The following ZMIZ1 variants were observed in gnomAD, a reference collection of about 807,000 sequenced individuals.
ZMIZ1 encodes zinc finger MIZ domain-containing protein 1.
In ZMIZ1, 17 loss-of-function variants were observed where a neutral mutation model predicts 113.9. The ratio of observed to expected loss-of-function variants is 0.15; its 90% CI spans 0.10 to 0.22. The LOEUF (loss-of-function observed/expected upper bound fraction) is 0.22. Ranked by LOEUF, ZMIZ1 falls within the 10% of genes least tolerant of loss-of-function variation. The pLI is 1.00. For synonymous variants in ZMIZ1, 607 were observed against 603.1 expected (o/e 1.01, Z -0.09); for missense variants, 1,059 against 1,477.8 (o/e 0.72, Z 4.65).
chr10:79,223,974 G>T (rs564093087), intron 7 of ZMIZ1, among the ~76,000 whole-genome samples: 1 of 152,340 alleles, frequency 6.6e-6, no homozygotes, highest in East Asian at 1.9e-4. Flanking sequence ...TTCCAGGAAT[G>T]AGCAGTGGGG....
At chr10:79,311,294 T>TGGGGG in intron 24 of ZMIZ1, 110 bp downstream of exon 24, 6 of 99,146 alleles carry the variant, frequency 6.1e-5, no homozygotes, top group East Asian at 1.9e-4. Flanking sequence ...AGGAGGTGGG[T>TGGGGG]GGGCGGTGGG....
In ZMIZ1 at chr10:79,296,469, A is replaced by G. The variant is rs762268222; in HGVS notation, c.1231-2A>G. ...TCCCCTCTCCTTTCTCTCCCACCAC[A>G]GCCCAACTATGGAAACCAGCAATAT... On this transcript the variant is annotated splice_acceptor_variant, in intron 12 of 24. Coordinates refer to ENST00000334512, the MANE Select transcript of ZMIZ1 (RefSeq NM_020338.4). LOFTEE classifies it high-confidence loss of function. The surrounding 1 kb of genome is among the most constrained non-coding windows in gnomAD (Gnocchi z 4.1). 2 of 1,613,870 alleles carry G rather than the reference A, an allele frequency of 1.2e-6. No homozygotes were observed. Among genetic ancestry groups the G allele is most frequent in the South Asian group, 1.1e-5 (1 of 91,078 alleles).
rs1466931796 is a variant in ZMIZ1 at position 79,184,921 on chromosome 10, T to A, written c.-49-16663T>A. On this transcript the variant is annotated intron_variant, in intron 4 of 24. Transcript: ENST00000334512. ...TGAAGGCTTGCTTCCAAGCAGTTCCTGGATTTTTACCTGCTCAGCCATAAA... is the reference window on the plus strand; with the variant it reads ...TGAAGGCTTGCTTCCAAGCAGTTCCAGGATTTTTACCTGCTCAGCCATAAA... Among the ~76,000 whole-genome samples, 5 of 152,204 alleles carry A rather than the reference T, an allele frequency of 3.3e-5. No homozygotes were observed. In the East Asian group the frequency reaches 9.6e-4, roughly 29 times the overall value.
At chr10:79,202,056 CAAAAA>C (rs55985942) in intron 5 of ZMIZ1, among the ~76,000 whole-genome samples, 14 of 71,926 alleles carry the variant, frequency 1.9e-4, no homozygotes, top group African/African-American at 7.4e-4. Context: ...CAGTCGTTCT[CAAAAA>C]AAAAAAAAAA....
At chr10:79,263,804 G>A (rs571353534) in intron 7 of ZMIZ1, among the ~76,000 whole-genome samples, 4 of 152,166 alleles carry the variant, frequency 2.6e-5, no homozygotes, top group African/African-American at 9.6e-5. Context: ...TGTGAAGTCC[G>A]GACAGCCATG....
At chr10:79,208,289 TACCCTC>T (rs1215010150) in intron 5 of ZMIZ1, 41 bp from the exon 6 acceptor site, 2 of 1,565,588 alleles carry the variant, frequency 1.3e-6, no homozygotes, top group South Asian at 2.2e-5. Flanking sequence ...CTGCCTGTGC[TACCCTC>T]ACTCTTGGAG....
chr10:79,184,291 C>T (rs1158404466), intron 4 of ZMIZ1, among the ~76,000 whole-genome samples: 1 of 152,208 alleles, frequency 6.6e-6, no homozygotes, highest in Non-Finnish European at 1.5e-5. Context: ...TCCTTCCACC[C>T]CTCTCCCGAT....
intron 3 of ZMIZ1, among the ~76,000 whole-genome samples, chr10:79,151,105 G>T (rs1363273873): frequency 1.3e-5 from 2 of 152,080 alleles, no homozygotes; most frequent in Non-Finnish European, 2.9e-5. Flanking sequence ...AGATCCGGGG[G>T]CCACCTTGAG....
chr10:79,279,295 C>T (rs12263304), intron 8 of ZMIZ1, among the ~76,000 whole-genome samples: 4,404 of 150,902 alleles, frequency 0.029, 176 homozygotes, highest in African/African-American at 0.089. Context: ...GGGGTGGTGG[C>T]GGGGCAGAGA....
intron 3 of ZMIZ1, among the ~76,000 whole-genome samples, chr10:79,154,707 T>C (rs532231910): frequency 7.9e-5 from 12 of 152,350 alleles, no homozygotes; most frequent in African/African-American, 2.9e-4. Flanking sequence ...AGGCTGCTTC[T>C]GTGGAAGAGG....
intron 24 of ZMIZ1, 120 bp downstream of exon 24, chr10:79,311,304 G>GGGGGGGGGGGGGGGC: frequency 1.1e-5 from 4 of 359,152 alleles, no homozygotes; most frequent in Non-Finnish European, 1.1e-5. Context: ...TGGGCGGTGG[G>GGGGGGGGGGGGGGGC]AGGGCTTCAC....
rs186115857 is a variant in ZMIZ1, at chr10:79,301,529, T to C, written c.2020-578T>C. Among the ~76,000 whole-genome samples the C allele has an allele frequency of 3.1e-3, 468 of 151,956 alleles. 6 individuals carry two copies. Among genetic ancestry groups the C allele is most frequent in the East Asian group, 0.023 (120 of 5,154 alleles). The stretch of plus-strand genomic sequence containing the variant: ...TTGCTCAGGCCCCAGTGGAAGTAAA[T>C]TGCCTGCCCCACTCCACTGGCCTCT... On this transcript the variant is annotated intron_variant, in intron 17 of 24. Transcript: ENST00000334512.
At chr10:79,135,906 G>A (rs940397540) in intron 2 of ZMIZ1, among the ~76,000 whole-genome samples, 1 of 144,530 alleles carries the variant, frequency 6.9e-6, no homozygotes, top group Non-Finnish European at 1.5e-5. Context: ...ACCCGCCGCC[G>A]CTGTGTCTGT....
intron 1 of ZMIZ1, among the ~76,000 whole-genome samples, chr10:79,102,287 G>A (rs998718390): frequency 6.6e-6 from 1 of 152,244 alleles, no homozygotes; most frequent in Non-Finnish European, 1.5e-5. Context: ...TCCCGGCTCT[G>A]GAAGTGTATA....
At chr10:79,239,519 C>T (rs1335514466) in intron 7 of ZMIZ1, among the ~76,000 whole-genome samples, 1 of 152,198 alleles carries the variant, frequency 6.6e-6, no homozygotes, top group Non-Finnish European at 1.5e-5. Flanking sequence ...GATCCTTGCT[C>T]AGCCCTGCTG....
intron 18 of ZMIZ1, 94 bp from the exon 19 acceptor site, chr10:79,303,921 C>A: frequency 6.5e-7 from 1 of 1,532,810 alleles, no homozygotes; most frequent in East Asian, 2.4e-5. Context: ...AGGACATGCC[C>A]CAGCTGCACG....
At chr10:79,165,952 G>C (rs1846310516) in intron 4 of ZMIZ1, among the ~76,000 whole-genome samples, 1 of 26,712 alleles carries the variant, frequency 3.7e-5, no homozygotes, top group Admixed American at 3.0e-4. Flanking sequence ...GCTCAGCTGT[G>C]TGTGTGTGTG....
At chr10:79,095,628 A>G (rs1044581621) in intron 1 of ZMIZ1, among the ~76,000 whole-genome samples, 3 of 152,116 alleles carry the variant, frequency 2.0e-5, no homozygotes, top group Admixed American at 1.3e-4. Flanking sequence ...CGCCTGATCT[A>G]TTACCTTGGG....
intron 1 of ZMIZ1, among the ~76,000 whole-genome samples, chr10:79,100,437 GAAA>G (rs748608550): frequency 1.8e-5 from 2 of 110,730 alleles, no homozygotes; most frequent in African/African-American, 6.8e-5. Flanking sequence ...CACCATCTCT[GAAA>G]AAAAAAAAAA....
Sources: allele counts gnomAD v4.1 joint callset (sites outside exome capture counted in the v4.1 genomes callset), GRCh38; gene constraint gnomAD v4.1.1; non-coding constraint Gnocchi (gnomAD v3.1); transcripts MANE v1.5; gene names NCBI Gene and HGNC (gene_info 2026-07-23, HGNC 2026-07-21).